NECTIN1: variants seen among roughly 807,000 people sequenced by gnomAD.
NECTIN1 encodes nectin cell adhesion molecule 1.
A neutral mutation model predicts 48.0 loss-of-function variants in NECTIN1; 23 were observed. The observed-to-expected ratio is 0.48, with a 90% CI of 0.34 to 0.68. The LOEUF (loss-of-function observed/expected upper bound fraction) is 0.68, where lower values mean the gene tolerates loss of function less well. Among genes scored for constraint, NECTIN1 ranks in the 30% least tolerant of loss-of-function variants. NECTIN1 has a pLI of 0.01. For missense variants in NECTIN1, 591 were observed against 709.9 expected (o/e 0.83, Z 1.90); for synonymous variants, 270 against 288.9 (o/e 0.93, Z 0.66).
chr11:119,687,166 C>G (rs886339875), intron 1 of NECTIN1: 1 of 152,108 alleles, frequency 6.6e-6, no homozygotes, highest in African/African-American at 2.4e-5. Flanking sequence ...ATCCCTCGCC[C>G]ACCTCCAACC....
rs1001074850 is a variant in NECTIN1, at chr11:119,672,777, C to T, written c.1003+2382G>A. ...CCATGCTTCCCTGGCCTGGGCATCC[C>T]GCCCTCCAGCCCTGCCTACTCACTC... On this transcript the variant is annotated intron_variant, in intron 5 of 5. Coordinates refer to ENST00000264025, the MANE Select transcript of NECTIN1 (RefSeq NM_002855.5). This position sits in a 1 kb window ranked among gnomAD's most constrained non-coding sequence, Gnocchi z 4.3. Among the ~76,000 whole-genome samples, 12 of 152,306 alleles carry T rather than the reference C, an allele frequency of 7.9e-5. No homozygotes were observed. The highest frequency in any genetic ancestry group is 5.8e-4 in the East Asian group (3 of 5,180).
chr11:119,721,474 C>T (rs1479650025), intron 1 of NECTIN1, among the ~76,000 whole-genome samples: 1 of 152,236 alleles, frequency 6.6e-6, no homozygotes, highest in African/African-American at 2.4e-5. Context: ...AAGCTGTGTC[C>T]CTGTGGAGCC....
At chr11:119,708,389 G>A (rs1273345724) in intron 1 of NECTIN1, among the ~76,000 whole-genome samples, 1 of 152,220 alleles carries the variant, frequency 6.6e-6, no homozygotes, top group Non-Finnish European at 1.5e-5. Flanking sequence ...CTTTGTATTA[G>A]ATGAGGGTCT....
chr11:119,703,771 C>T (rs1167081036), intron 1 of NECTIN1, among the ~76,000 whole-genome samples: 1 of 152,184 alleles, frequency 6.6e-6, no homozygotes, highest in East Asian at 1.9e-4. Context: ...CCTCTGCCAC[C>T]CACACTCTTC....
intron 1 of NECTIN1, among the ~76,000 whole-genome samples, chr11:119,726,076 T>C (rs1865902719): frequency 6.6e-6 from 1 of 152,160 alleles, no homozygotes; most frequent in Non-Finnish European, 1.5e-5. Flanking sequence ...AATAGCCAGA[T>C]TGGGAGTGTT....
In NECTIN1 at chr11:119,678,455, A is replaced by C; in HGVS notation, c.390T>G (p.Pro130=). ...GVYICEFATF[P]TGNRESQLNL... is the part of the protein sequence containing the mutation. Reference sequence around the variant, plus strand: ...TGAGCTGGCTTTCTCGATTGCCCGTAGGGAAGGTAGCAAACTCGCAGATGT... The same window carrying C: ...TGAGCTGGCTTTCTCGATTGCCCGTCGGGAAGGTAGCAAACTCGCAGATGT... The change falls in exon 2 of 6, where the codon CCT becomes CCG. Residue 130 remains proline, a synonymous_variant. Coordinates refer to ENST00000264025, the MANE Select transcript of NECTIN1 (RefSeq NM_002855.5). This position sits in a 1 kb window ranked among gnomAD's most constrained non-coding sequence, Gnocchi z 4.4. 2 of 1,614,234 alleles carry C rather than the reference A, an allele frequency of 1.2e-6. No homozygotes were observed. The highest frequency in any genetic ancestry group is 2.7e-5 in the African/African-American group (2 of 75,054).
chr11:119,698,435 G>A (rs754550057), intron 1 of NECTIN1, among the ~76,000 whole-genome samples: 5 of 152,252 alleles, frequency 3.3e-5, no homozygotes, highest in Non-Finnish European at 5.9e-5. Context: ...CCCCTGAGTA[G>A]TGGAGAAGTT....
rs1370690421 is a variant in NECTIN1, at chr11:119,663,731, C to T, written c.*1016G>A. 3 of 985,500 alleles carry T rather than the reference C, an allele frequency of 3.0e-6. No homozygotes were observed. The highest frequency in any genetic ancestry group is 4.7e-5 in the South Asian group (1 of 21,288). The allele number at this position is 985,500 out of a possible 1,614,324, so 61.0% of individuals were successfully genotyped here. ...TAGATAAGGGAGAAATCAGAGAAAC[C>T]TCCACGCTGTAAGAAGCAGTTTGGG... On this transcript the variant is annotated 3_prime_UTR_variant, in exon 6 of 6. Coordinates refer to ENST00000264025, the MANE Select transcript of NECTIN1 (RefSeq NM_002855.5).
intron 1 of NECTIN1, among the ~76,000 whole-genome samples, chr11:119,717,892 T>G (rs1038825189): frequency 2.0e-5 from 3 of 152,230 alleles, no homozygotes; most frequent in African/African-American, 7.2e-5. Flanking sequence ...TTCCAAGCAC[T>G]TCCTAGGTGC....
intron 1 of NECTIN1, among the ~76,000 whole-genome samples, chr11:119,715,116 G>A (rs1241105910): frequency 2.0e-5 from 3 of 152,194 alleles, no homozygotes; most frequent in African/African-American, 4.8e-5. Context: ...CCTGTCAGTG[G>A]AGGGATTCAG....
At chr11:119,697,960 T>A (rs2135568046) in intron 1 of NECTIN1, among the ~76,000 whole-genome samples, 1 of 152,308 alleles carries the variant, frequency 6.6e-6, no homozygotes. Flanking sequence ...CTGAGTCTTC[T>A]CCCAGCTCCT....
chr11:119,656,550 G>A (rs1218813447), downstream of NECTIN1: 1 of 152,226 alleles, frequency 6.6e-6, no homozygotes. Flanking sequence ...TCCCAGGAGT[G>A]TTGCAAAATG....
At chr11:119,708,135 C>T (rs996854150) in intron 1 of NECTIN1, among the ~76,000 whole-genome samples, 14 of 152,118 alleles carry the variant, frequency 9.2e-5, no homozygotes, top group Non-Finnish European at 1.5e-4. Context: ...GTGACGGAGG[C>T]GCCACAGAAG....
rs999948341 is a variant in NECTIN1, at chr11:119,709,613, G to A, written c.79+18862C>T. 6.6e-6 allele frequency among the ~76,000 whole-genome samples: 1 copy of A among 152,114 alleles called. No homozygotes were observed. Among genetic ancestry groups the A allele is most frequent in the Non-Finnish European group, 1.5e-5 (1 of 68,012 alleles). Reference sequence around the variant, plus strand: ...CTTGAATGGAAGCAGGGAGGGAGGGGAGCCCCGTGTGGGAAGCCTGAAAGG... The same window carrying A: ...CTTGAATGGAAGCAGGGAGGGAGGGAAGCCCCGTGTGGGAAGCCTGAAAGG... On this transcript the variant is annotated intron_variant, in intron 1 of 5. Transcript: ENST00000264025. This position sits in a 1 kb window ranked among gnomAD's most constrained non-coding sequence, Gnocchi z 4.1.
chr11:119,664,402 G>C lies in NECTIN1; in HGVS notation c.*345C>G. 9.2e-7 allele frequency: 1 copy of C among 1,091,022 alleles called. No homozygotes were observed. The highest frequency in any genetic ancestry group is 6.0e-5 in the East Asian group (1 of 16,788). The allele number at this position is 1,091,022 out of a possible 1,614,324, so 67.6% of individuals were successfully genotyped here. A position where few individuals can be genotyped will look rare whatever the true frequency, so the allele number is the denominator to read the frequency against. ...ATTCCAGTGTAGGGGGGCGGGGGAG[G>C]CTGGCTCCCCAAACCCTGGAGGGAT... On this transcript the variant is annotated 3_prime_UTR_variant, in exon 6 of 6. Transcript: ENST00000264025.
At chr11:119,692,741 C>T (rs1391782292) in intron 1 of NECTIN1, among the ~76,000 whole-genome samples, 1 of 152,214 alleles carries the variant, frequency 6.6e-6, no homozygotes, top group Non-Finnish European at 1.5e-5. Context: ...GATGAGGAAA[C>T]TCAGGGAGGT....
At chr11:119,656,178 G>C (rs1864569786), downstream of NECTIN1, 1 of 152,194 alleles carries the variant, frequency 6.6e-6, no homozygotes, top group South Asian at 2.1e-4. Context: ...TTACAGGCAG[G>C]AGCCACCACG....
At chr11:119,695,481 AC>A (rs891660416) in intron 1 of NECTIN1, among the ~76,000 whole-genome samples, 5 of 151,912 alleles carry the variant, frequency 3.3e-5, no homozygotes, top group Admixed American at 6.6e-5. Flanking sequence ...AGACGTGCTC[AC>A]CCCCGACGTC....
rs567350737 is a variant in NECTIN1, at chr11:119,693,130, GC to G, written c.80-14366del. On this transcript the variant is annotated intron_variant, in intron 1 of 5. Transcript: ENST00000264025. ...TGACTGAAGACTCCAGACATGAAAA[GC>G]CCCCATTCTTCCCCTGTTCCTCTTG... 2.8e-4 allele frequency among the ~76,000 whole-genome samples: 43 copies of G among 152,246 alleles called. No individual in the cohort carries two copies. In the South Asian group the frequency reaches 8.7e-3, roughly 31 times the overall value.
Sources: allele counts gnomAD v4.1 joint callset (sites outside exome capture counted in the v4.1 genomes callset), GRCh38; gene constraint gnomAD v4.1.1; non-coding constraint Gnocchi (gnomAD v3.1); transcripts MANE v1.5; gene names NCBI Gene and HGNC (gene_info 2026-07-23, HGNC 2026-07-21).